Variants in COL25A1 observed in about 807,000 individuals in gnomAD.
The protein encoded by COL25A1 is collagen type XXV alpha 1 chain.
COL25A1 carries 103 observed loss-of-function variants against 128.4 expected under a neutral mutation model. The observed-to-expected ratio is 0.80, with a 90% confidence interval of 0.68 to 0.94. The LOEUF (loss-of-function observed/expected upper bound fraction) is 0.94. Ranked by LOEUF, COL25A1 falls within the 40% of genes least tolerant of loss-of-function variation. COL25A1 has a pLI of 0.00. For missense variants in COL25A1, 745 were observed against 840.0 expected (o/e 0.89, Z 1.40); for synonymous variants, 279 against 277.2 (o/e 1.01, Z -0.06).
At chr4:108,972,505 A>G (rs1752018077) in intron 8 of COL25A1, among the ~76,000 whole-genome samples, 1 of 152,170 alleles carries the variant, frequency 6.6e-6, no homozygotes. Context: ...AGAGCACTGA[A>G]TGAGACCTGC....
chr4:108,852,965 T>C, intron 24 of COL25A1, 40 bp from the exon 25 acceptor site: 1 of 1,576,900 alleles, frequency 6.3e-7, no homozygotes, highest in Non-Finnish European at 8.7e-7. Context: ...AGTTATCTAT[T>C]TTGTGTGCCA....
At chr4:108,997,345 C>A (rs1279008835) in intron 6 of COL25A1, among the ~76,000 whole-genome samples, 3 of 152,136 alleles carry the variant, frequency 2.0e-5, no homozygotes, top group Non-Finnish European at 2.9e-5. Flanking sequence ...ACTATAAACA[C>A]CTCTATGCAA....
In COL25A1 at chr4:109,069,081, A is replaced by AATTCAAATATTTTTAAAATATTTAAT. The variant is rs1449396110; in HGVS notation, c.368-18928_368-18903dup. On this transcript the variant is annotated intron_variant, in intron 3 of 37. Transcript: ENST00000399132. Reference sequence around the variant, plus strand: ...ACTTTATAATTTAACCACTCTATAAAATTCAAATATTTTTAAAATATTTAA... The same window carrying AATTCAAATATTTTTAAAATATTTAAT: ...ACTTTATAATTTAACCACTCTATAAAATTCAAATATTTTTAAAATATTTAATATTCAAATATTTTTAAAATATTTAA... Among the ~76,000 whole-genome samples the AATTCAAATATTTTTAAAATATTTAAT allele has an allele frequency of 1.7e-3, 256 of 152,048 alleles. 3 individuals are homozygous for AATTCAAATATTTTTAAAATATTTAAT. The highest frequency in any genetic ancestry group is 5.9e-3 in the African/African-American group (246 of 41,520).
intron 3 of COL25A1, among the ~76,000 whole-genome samples, chr4:109,266,173 T>C (rs573041781): frequency 3.0e-4 from 45 of 152,358 alleles, no homozygotes; most frequent in Non-Finnish European, 5.6e-4. Context: ...GGCTCATTTA[T>C]CCTGTCTATT....
intron 3 of COL25A1, among the ~76,000 whole-genome samples, chr4:109,241,079 T>C (rs1370773667): frequency 6.6e-6 from 1 of 152,036 alleles, no homozygotes; most frequent in Non-Finnish European, 1.5e-5. Context: ...ATTATCTTAG[T>C]ATTCATCCCA....
chr4:108,875,369 A>G (rs986742152), intron 19 of COL25A1, among the ~76,000 whole-genome samples: 2 of 152,222 alleles, frequency 1.3e-5, no homozygotes, highest in Non-Finnish European at 2.9e-5. Context: ...TTACAAGAAA[A>G]AAACAAATAA....
At chr4:109,136,867 C>A (rs2126078317) in intron 3 of COL25A1, among the ~76,000 whole-genome samples, 1 of 152,358 alleles carries the variant, frequency 6.6e-6, no homozygotes, top group East Asian at 1.9e-4. Context: ...CAGGTGCCCT[C>A]ACTCTTCCAT....
At chr4:108,913,261 C>CTTTTTTTTTTTTT (rs201929872) in intron 13 of COL25A1, among the ~76,000 whole-genome samples, 13,289 of 90,726 alleles carry the variant, frequency 0.15, 2,841 homozygotes, top group East Asian at 0.44. Flanking sequence ...TCTCTAGCTC[C>CTTTTTTTTTTTTT]TTTTTTTTTT....
intron 5 of COL25A1, among the ~76,000 whole-genome samples, chr4:109,029,457 G>A (rs928292221): frequency 3.3e-5 from 5 of 152,134 alleles, no homozygotes; most frequent in African/African-American, 4.8e-5. Flanking sequence ...CAGGAAGGGC[G>A]AGTACAGCAC....
chr4:109,013,882 G>C (rs1028822868), intron 5 of COL25A1, among the ~76,000 whole-genome samples: 4 of 152,146 alleles, frequency 2.6e-5, no homozygotes, highest in Admixed American at 2.0e-4. Flanking sequence ...GTGAGACCAA[G>C]AGCCCACCAA....
At chr4:109,045,560 C>A (rs1346283872) in intron 5 of COL25A1, among the ~76,000 whole-genome samples, 4 of 152,014 alleles carry the variant, frequency 2.6e-5, no homozygotes, top group African/African-American at 7.2e-5. Context: ...AAGGCAGATA[C>A]TTTTTAGACA....
chr4:109,227,595 A>G (rs1349808836), intron 3 of COL25A1, among the ~76,000 whole-genome samples: 1 of 149,492 alleles, frequency 6.7e-6, no homozygotes, highest in African/African-American at 2.6e-5. Flanking sequence ...TGGCAGCATC[A>G]ATTAATTAGC....
intron 6 of COL25A1, among the ~76,000 whole-genome samples, chr4:109,005,832 C>G (rs192590488): frequency 4.9e-4 from 75 of 152,268 alleles, no homozygotes; most frequent in Middle Eastern, 6.8e-3. Flanking sequence ...TGTCCATACC[C>G]TTCCATTTTC....
chr4:108,969,220 T>G (rs1751648184), intron 8 of COL25A1, among the ~76,000 whole-genome samples: 1 of 152,174 alleles, frequency 6.6e-6, no homozygotes, highest in Admixed American at 6.5e-5. Flanking sequence ...CCTATTCCCC[T>G]TGTCCCTTCC....
intron 3 of COL25A1, among the ~76,000 whole-genome samples, chr4:109,105,271 C>T (rs553528096): frequency 2.4e-4 from 37 of 152,050 alleles, no homozygotes; most frequent in Non-Finnish European, 4.7e-4. Flanking sequence ...GTCAGGAGTT[C>T]GAGACCAGCC....
At chr4:108,927,817 A>G (rs1746246472) in intron 11 of COL25A1, among the ~76,000 whole-genome samples, 1 of 152,156 alleles carries the variant, frequency 6.6e-6, no homozygotes, top group Admixed American at 6.5e-5. Context: ...AAGCTCAGGA[A>G]ATTAAAGAAG....
Position 108,846,175 on chromosome 4 carries a change from T to G in COL25A1, c.1479A>C (p.Thr493=). 1 of 1,613,128 alleles carries G rather than the reference T, an allele frequency of 6.2e-7. No individual in the cohort carries two copies. The highest frequency in any genetic ancestry group is 1.1e-5 in the South Asian group (1 of 91,052). ...SKGDMGDPGM[T]GEKGGIGLPG... is the part of the protein sequence containing the mutation. ...GAAGTCCAATTCCTCCTTTTTCACCTGTCATACCTGGGTCCCCCATGTCTC... is the reference window on the plus strand; with the variant it reads ...GAAGTCCAATTCCTCCTTTTTCACCGGTCATACCTGGGTCCCCCATGTCTC... Residue 493 remains threonine (T), a synonymous_variant, in exon 28 of 38, where the codon ACA becomes ACC. Transcript: ENST00000399132.
intron 24 of COL25A1, among the ~76,000 whole-genome samples, chr4:108,857,119 A>G (rs1736616896): frequency 1.3e-5 from 2 of 152,096 alleles, no homozygotes; most frequent in Admixed American, 1.3e-4. Context: ...ATGCCCAATT[A>G]TATTGGAACA....
chr4:109,065,722 C>T (rs1325226351), intron 3 of COL25A1, among the ~76,000 whole-genome samples: 2 of 151,984 alleles, frequency 1.3e-5, no homozygotes, highest in Non-Finnish European at 2.9e-5. Flanking sequence ...TATTGAACAA[C>T]TCTATTTTTA....
Sources: gnomAD v4.1 joint callset for allele counts (sites outside exome capture counted in the v4.1 genomes callset) on GRCh38, gnomAD v4.1.1 for gene constraint, MANE v1.5 for transcripts, NCBI Gene and HGNC (gene_info 2026-07-23, HGNC 2026-07-21) for gene names.